Variants in CADPS observed in about 807,000 individuals in gnomAD.
CADPS encodes the protein calcium dependent secretion activator.
CADPS carries 57 observed loss-of-function variants against 167.3 expected under a neutral mutation model. The ratio of observed to expected loss-of-function variants is 0.34; its 90% CI spans 0.28 to 0.42. The LOEUF (loss-of-function observed/expected upper bound fraction) is 0.42, where lower values mean the gene tolerates loss of function less well. Ranked by LOEUF, CADPS falls within the 20% of genes least tolerant of loss-of-function variation. The pLI is 1.00. For synonymous variants in CADPS, 676 were observed against 635.3 expected, an observed-to-expected ratio of 1.06 and a Z score of -0.96; for missense variants, 1,414 against 1,738.1, an observed-to-expected ratio of 0.81 and a Z score of 3.32.
chr3:62,495,847 C>A (rs1229808315), intron 18 of CADPS, among the ~76,000 whole-genome samples: 1 of 152,124 alleles, frequency 6.6e-6, no homozygotes, highest in Admixed American at 6.6e-5. Flanking sequence ...TACCATATAC[C>A]GCATGTGTGT....
At chr3:62,806,602 G>A (rs1193446573) in intron 1 of CADPS, among the ~76,000 whole-genome samples, 1 of 152,122 alleles carries the variant, frequency 6.6e-6, no homozygotes, top group South Asian at 2.1e-4. Context: ...TGTGGGGTGT[G>A]TGTTACTGGT....
chr3:62,624,436 G>C (rs1398825613), intron 6 of CADPS, among the ~76,000 whole-genome samples: 8 of 151,814 alleles, frequency 5.3e-5, no homozygotes, highest in Non-Finnish European at 1.5e-5. Context: ...CAAATGAATT[G>C]TTCTCTGTTA....
At chr3:62,408,966 T>G (rs758383364) in intron 28 of CADPS, among the ~76,000 whole-genome samples, 2 of 152,250 alleles carry the variant, frequency 1.3e-5, no homozygotes, top group African/African-American at 4.8e-5. Context: ...TACACCCATA[T>G]GCACTCACGT....
chr3:62,403,512 A>G (rs1707194667), intron 28 of CADPS: 1 of 176,868 alleles, frequency 5.7e-6, no homozygotes, highest in South Asian at 1.7e-4. Context: ...GGTTAATTTT[A>G]CACCATTTAT....
chr3:62,512,716 C>T, intron 17 of CADPS, 35 bp downstream of exon 17: 1 of 1,558,094 alleles, frequency 6.4e-7, no homozygotes, highest in South Asian at 1.2e-5. Flanking sequence ...ACTCAACAGT[C>T]CTGATAATTT....
intron 28 of CADPS, among the ~76,000 whole-genome samples, chr3:62,407,167 T>A (rs545194140): frequency 7.3e-6 from 1 of 136,916 alleles, no homozygotes; most frequent in Admixed American, 7.7e-5. Flanking sequence ...CATCATCATC[T>A]TTCTTCTCTT....
intron 3 of CADPS, among the ~76,000 whole-genome samples, chr3:62,736,124 G>C (rs778207630): frequency 1.3e-5 from 2 of 152,146 alleles, no homozygotes; most frequent in Non-Finnish European, 1.5e-5. Context: ...AAGGATACCT[G>C]TGTTACCTTG....
chr3:62,549,673 T>A (rs1219293055), intron 11 of CADPS, among the ~76,000 whole-genome samples: 1 of 152,174 alleles, frequency 6.6e-6, no homozygotes, highest in Non-Finnish European at 1.5e-5. Context: ...AAAATCCACC[T>A]AAAATACACT....
At chr3:62,782,863 G>A (rs1265804392) in intron 1 of CADPS, among the ~76,000 whole-genome samples, 4 of 150,642 alleles carry the variant, frequency 2.7e-5, no homozygotes, top group Admixed American at 1.3e-4. Flanking sequence ...GGGTTCAAAC[G>A]ATTCTCCTAC....
intron 1 of CADPS, among the ~76,000 whole-genome samples, chr3:62,788,028 AGTT>A (rs2092619112): frequency 6.6e-6 from 1 of 152,194 alleles, no homozygotes; most frequent in African/African-American, 2.4e-5. Context: ...TGTTTCTCAC[AGTT>A]GTATAAAAAA....
At chr3:62,815,733 T>C (rs1437130617) in intron 1 of CADPS, among the ~76,000 whole-genome samples, 1 of 152,106 alleles carries the variant, frequency 6.6e-6, no homozygotes, top group Non-Finnish European at 1.5e-5. Context: ...ATAGGGCTTT[T>C]AAGTAAAAGG....
chr3:62,642,946 ACAAAACAAAACAAAACCCAAACCT>A (rs1330728273), intron 6 of CADPS, among the ~76,000 whole-genome samples: 1 of 151,840 alleles, frequency 6.6e-6, no homozygotes, highest in Non-Finnish European at 1.5e-5. Flanking sequence ...ACAAAACAAA[ACAAAACAAAACAAAACCCAAACCT>A]CAAAACAAAA....
chr3:62,529,148 C>T (rs1286024427), intron 13 of CADPS, among the ~76,000 whole-genome samples: 2 of 151,962 alleles, frequency 1.3e-5, no homozygotes, highest in Non-Finnish European at 2.9e-5. Flanking sequence ...GGCACAAGAG[C>T]GAGACTTCAT....
intron 11 of CADPS, among the ~76,000 whole-genome samples, chr3:62,539,728 C>T (rs1195588452): frequency 2.6e-5 from 4 of 152,086 alleles, no homozygotes; most frequent in Admixed American, 6.6e-5. Flanking sequence ...AGAATAAATA[C>T]AGAAACTCAC....
chr3:62,734,263 G>A (rs968584084), intron 3 of CADPS, among the ~76,000 whole-genome samples: 4 of 152,174 alleles, frequency 2.6e-5, no homozygotes, highest in African/African-American at 4.8e-5. Flanking sequence ...AATGTTCTAT[G>A]TCTGTGCTGT....
intron 4 of CADPS, among the ~76,000 whole-genome samples, chr3:62,661,227 CATGTA>C (rs544536063): frequency 1.3e-5 from 2 of 152,174 alleles, no homozygotes; most frequent in African/African-American, 4.8e-5. Flanking sequence ...GAGACTCAGA[CATGTA>C]AATAAATGAT....
intron 3 of CADPS, among the ~76,000 whole-genome samples, chr3:62,720,111 C>T (rs561983740): frequency 1.3e-5 from 2 of 152,110 alleles, no homozygotes; most frequent in Non-Finnish European, 2.9e-5. Context: ...TGAACTGTAA[C>T]CACAGTACAA....
At chr3:62,452,479 G>C (rs1018683447) in intron 26 of CADPS, among the ~76,000 whole-genome samples, 9 of 152,212 alleles carry the variant, frequency 5.9e-5, no homozygotes, top group Non-Finnish European at 1.2e-4. Flanking sequence ...CAGTTCTATT[G>C]GACAGTGCTG....
At chr3:62,508,602 T>A (rs2067119592) in intron 17 of CADPS, among the ~76,000 whole-genome samples, 1 of 152,176 alleles carries the variant, frequency 6.6e-6, no homozygotes, top group African/African-American at 2.4e-5. Context: ...ATCTTATGTT[T>A]GATAGCATGT....
Sources: gnomAD v4.1 joint callset for allele counts (sites outside exome capture counted in the v4.1 genomes callset) on GRCh38, gnomAD v4.1.1 for gene constraint, MANE v1.5 for transcripts, NCBI Gene and HGNC (gene_info 2026-07-23, HGNC 2026-07-21) for gene names.